The following AP2B1 variants were observed in gnomAD, a reference collection of about 807,000 sequenced individuals.
The protein encoded by AP2B1 is AP-2 complex subunit beta.
A neutral mutation model predicts 102.0 loss-of-function variants in AP2B1; 23 were observed. That is an observed-to-expected ratio of 0.23 (90% CI 0.16 to 0.32). The LOEUF (loss-of-function observed/expected upper bound fraction) is 0.32. Ranked by LOEUF, AP2B1 falls within the 10% of genes least tolerant of loss-of-function variation. AP2B1 has a pLI of 1.00. For missense variants in AP2B1, 541 were observed against 1,157.4 expected, an observed-to-expected ratio of 0.47 and a Z score of 7.73; for synonymous variants, 381 against 421.2, an observed-to-expected ratio of 0.90 and a Z score of 1.17.
At chr17:35,637,626 T>C (rs1484373313) in intron 10 of AP2B1, among the ~76,000 whole-genome samples, 1 of 152,168 alleles carries the variant, frequency 6.6e-6, no homozygotes, top group African/African-American at 2.4e-5. Flanking sequence ...TAGAAATAGT[T>C]ATTTTGGAAA....
At position 35,680,700 on chromosome 17, in the gene AP2B1, GT is replaced by G. The variant is rs1176447688; in HGVS notation, c.2325-1979del. 3.4e-3 allele frequency among the ~76,000 whole-genome samples: 435 copies of G among 128,928 alleles called. 5 individuals are homozygous for G. The highest frequency in any genetic ancestry group is 9.7e-3 in the African/African-American group (330 of 34,144). 84.6% of individuals were successfully genotyped at this position (128,928 alleles called of 152,430 possible). ...CTATGGTTTTGGTTTTTTTTTTTTT[GT>G]TTTTTTTTTTTTTTTCAGACAGTCT... On this transcript the variant is annotated intron_variant, in intron 17 of 21. Transcript: ENST00000610402.
chr17:35,710,210 C>G (rs1169670266), intron 19 of AP2B1, 24 bp from the exon 20 acceptor site: 1 of 1,551,164 alleles, frequency 6.4e-7, no homozygotes, highest in Non-Finnish European at 8.9e-7. Flanking sequence ...CACATCCATC[C>G]TTCCCCTCTG....
At chr17:35,621,833 A>G (rs929324042) in intron 5 of AP2B1, among the ~76,000 whole-genome samples, 2 of 151,838 alleles carry the variant, frequency 1.3e-5, no homozygotes, top group Non-Finnish European at 2.9e-5. Context: ...CTTTGTCTAT[A>G]TTTCCTATTA....
At chr17:35,709,349 C>A (rs1555586376) in intron 19 of AP2B1, 41 bp downstream of exon 19, 24 of 1,535,006 alleles carry the variant, frequency 1.6e-5, no homozygotes, top group Non-Finnish European at 2.1e-5. Flanking sequence ...ATACCTTTGC[C>A]CTTCCTGTGC....
At chr17:35,602,718 G>A (rs906899988) in intron 3 of AP2B1, among the ~76,000 whole-genome samples, 8 of 152,030 alleles carry the variant, frequency 5.3e-5, no homozygotes, top group African/African-American at 1.2e-4. Flanking sequence ...GTTCACACTC[G>A]CCACATTGTG....
chr17:35,720,879 C>G (rs1555592841), intron 21 of AP2B1, among the ~76,000 whole-genome samples: 1 of 151,974 alleles, frequency 6.6e-6, no homozygotes, highest in African/African-American at 2.4e-5. Flanking sequence ...ATTTGTTCCC[C>G]TAAGTGGCAC....
At chr17:35,661,240 G>GA (rs375780143) in intron 14 of AP2B1, among the ~76,000 whole-genome samples, 2 of 151,744 alleles carry the variant, frequency 1.3e-5, no homozygotes, top group East Asian at 1.9e-4. Flanking sequence ...AAACTATAAA[G>GA]AAAAAAAATA....
At chr17:35,589,006 C>G (rs930884861) in intron 1 of AP2B1, among the ~76,000 whole-genome samples, 1 of 152,122 alleles carries the variant, frequency 6.6e-6, no homozygotes, top group African/African-American at 2.4e-5. Flanking sequence ...TTTCTCTTGT[C>G]CTTTCTTTCC....
chr17:35,628,198 T>G (rs1360518185), intron 9 of AP2B1, among the ~76,000 whole-genome samples: 1 of 152,222 alleles, frequency 6.6e-6, no homozygotes, highest in African/African-American at 2.4e-5. Context: ...ATGCAAATAC[T>G]ATACCATTTT....
At position 35,639,733 on chromosome 17, in the gene AP2B1, G is replaced by A; in HGVS notation, c.1410G>A (p.Leu470=). Residue 470 remains leucine (L), a synonymous_variant, in exon 11 of 22, where the codon CTG becomes CTA. Transcript: ENST00000610402. ...CAGATGAGTTACTAGAAAGCTTCCT[G>A]GAGGGTTTTCACGATGAAAGCACCC... ...DNADELLESF[L]EGFHDESTQV... is the part of the protein sequence containing the mutation. 6.2e-7 allele frequency: 1 copy of A among 1,613,954 alleles called. No homozygotes were observed.
intron 18 of AP2B1, among the ~76,000 whole-genome samples, 184 bp from the exon 19 acceptor site, chr17:35,709,040 A>T (rs587618633): frequency 6.6e-6 from 1 of 152,290 alleles, no homozygotes; most frequent in East Asian, 1.9e-4. Flanking sequence ...TCACAGTTCT[A>T]TGACAATGGA....
chr17:35,673,018 A>G (rs539171034), intron 16 of AP2B1, among the ~76,000 whole-genome samples: 308 of 152,248 alleles, frequency 2.0e-3, no homozygotes, highest in Non-Finnish European at 3.1e-3. Flanking sequence ...TTGAATCCGT[A>G]TATCTACTGA....
chr17:35,674,522 T>A (rs1237083678), intron 17 of AP2B1, among the ~76,000 whole-genome samples: 1 of 152,100 alleles, frequency 6.6e-6, no homozygotes, highest in Non-Finnish European at 1.5e-5. Context: ...CTGGCCAACA[T>A]GGTGAAACCC....
In AP2B1 at chr17:35,715,006, A is replaced by G. The variant is rs111734780; in HGVS notation, c.2627-2189A>G. On this transcript the variant is annotated intron_variant, in intron 20 of 21. Coordinates refer to ENST00000610402, the MANE Select transcript of AP2B1 (RefSeq NM_001030006.2). ...CAGTCAGACCAGGAAGCCTCCTTAT[A>G]TCTGGCTTCCCTTGCCATTCATCAT... 4.7e-3 allele frequency among the ~76,000 whole-genome samples: 716 copies of G among 152,354 alleles called. 3 individuals are homozygous for G. The highest frequency in any genetic ancestry group is 7.7e-3 in the Admixed American group (118 of 15,302).
intron 9 of AP2B1, among the ~76,000 whole-genome samples, chr17:35,634,232 A>G (rs2074543162): frequency 6.6e-6 from 1 of 152,206 alleles, no homozygotes; most frequent in African/African-American, 2.4e-5. Flanking sequence ...AAACTAGGTC[A>G]TTAGGCTTAT....
rs1200244740 is a variant in AP2B1, at chr17:35,726,045, C to T, written c.*2346C>T. 6.6e-6 allele frequency: 1 copy of T among 152,210 alleles called. No homozygotes were observed. Among genetic ancestry groups the T allele is most frequent in the Admixed American group, 6.5e-5 (1 of 15,288 alleles). 9.4% of individuals were successfully genotyped at this position (152,210 alleles called of 1,614,324 possible). A position where few individuals can be genotyped will look rare whatever the true frequency, so the allele number is the denominator to read the frequency against. On this transcript the variant is annotated 3_prime_UTR_variant, in exon 22 of 22. Transcript: ENST00000610402. ...ACCTGTTGCCTCCACCACGGCTTCCCTCTTGGCTCATTCCAAGCTTGGCCA... is the reference window on the plus strand; with the variant it reads ...ACCTGTTGCCTCCACCACGGCTTCCTTCTTGGCTCATTCCAAGCTTGGCCA...
intron 15 of AP2B1, 119 bp downstream of exon 15, chr17:35,671,017 A>C (rs964170495): frequency 1.0e-6 from 1 of 984,134 alleles, no homozygotes; most frequent in African/African-American, 1.6e-5. Context: ...CAAAACCTCT[A>C]TAACAGTATA....
rs587733215 is a variant in AP2B1 at position 35,692,981 on chromosome 17, C to T, written c.2454+10157C>T. Among the ~76,000 whole-genome samples the T allele has an allele frequency of 7.6e-5, 10 of 132,430 alleles. No homozygotes were observed. In the South Asian group the frequency reaches 1.4e-3, roughly 19 times the overall value. 86.9% of individuals were successfully genotyped at this position (132,430 alleles called of 152,430 possible). ...CCCTGTTACGGAGTTGTTTATTTGGCGTTTTTTTATGTTTGTTTTCTTTGG... is the reference window on the plus strand; with the variant it reads ...CCCTGTTACGGAGTTGTTTATTTGGTGTTTTTTTATGTTTGTTTTCTTTGG... On this transcript the variant is annotated intron_variant, in intron 18 of 21. Coordinates refer to ENST00000610402, the MANE Select transcript of AP2B1 (RefSeq NM_001030006.2).
chr17:35,671,217 A>G lies in AP2B1; in HGVS notation c.2031+319A>G, dbSNP rs946138272. The stretch of plus-strand genomic sequence containing the variant: ...GCTTATTCCCTGGTGTCACCTAGAA[A>G]GAACTTGAGAGGGTCAGCTGGACTC... On this transcript the variant is annotated intron_variant, in intron 15 of 21. Transcript: ENST00000610402. Among the ~76,000 whole-genome samples the G allele has an allele frequency of 3.9e-5, 6 of 152,302 alleles. No individual in the cohort carries two copies. In the East Asian group the frequency reaches 7.7e-4, roughly 20 times the overall value.
Sources: allele counts gnomAD v4.1 joint callset (sites outside exome capture counted in the v4.1 genomes callset), GRCh38; gene constraint gnomAD v4.1.1; transcripts MANE v1.5; gene names NCBI Gene and HGNC (gene_info 2026-07-23, HGNC 2026-07-21).